The following CACNB2 variants were observed in gnomAD, a reference collection of about 807,000 sequenced individuals.
The protein encoded by CACNB2 is voltage-dependent L-type calcium channel subunit beta-2.
CACNB2 carries 42 observed loss-of-function variants against 73.3 expected under a neutral mutation model. The ratio of observed to expected loss-of-function variants is 0.57; its 90% confidence interval spans 0.45 to 0.74. CACNB2 has a LOEUF of 0.74. Ranked by LOEUF, CACNB2 falls within the 30% of genes least tolerant of loss-of-function variation. CACNB2 has a pLI of 0.00. For synonymous variants in CACNB2, 348 were observed against 310.3 expected, an observed-to-expected ratio of 1.12 and a Z score of -1.28; for missense variants, 940 against 853.0, an observed-to-expected ratio of 1.10 and a Z score of -1.27.
intron 2 of CACNB2, among the ~76,000 whole-genome samples, chr10:18,375,297 G>C (rs539931145): frequency 6.6e-6 from 1 of 152,128 alleles, no homozygotes; most frequent in African/African-American, 2.4e-5. Context: ...TCCCAATCCT[G>C]CACCAATGCC....
At chr10:18,331,261 G>A (rs576557187) in intron 2 of CACNB2, among the ~76,000 whole-genome samples, 1 of 152,118 alleles carries the variant, frequency 6.6e-6, no homozygotes, top group East Asian at 1.9e-4. Context: ...TGGAATTACA[G>A]GCATGAGCCA....
intron 3 of CACNB2, among the ~76,000 whole-genome samples, chr10:18,480,719 A>C (rs1017653835): frequency 5.3e-5 from 8 of 152,212 alleles, no homozygotes; most frequent in African/African-American, 1.9e-4. Flanking sequence ...CTGCTTAGGA[A>C]CTATGGTTAG....
chr10:18,468,197 C>A (rs548703240), intron 3 of CACNB2, among the ~76,000 whole-genome samples: 5 of 152,072 alleles, frequency 3.3e-5, no homozygotes, highest in African/African-American at 9.7e-5. Context: ...TGGTGGCTCA[C>A]GCCTGCAATC....
chr10:18,142,584 C>G (rs1239114135), intron 1 of CACNB2, among the ~76,000 whole-genome samples: 1 of 152,190 alleles, frequency 6.6e-6, no homozygotes, highest in Non-Finnish European at 1.5e-5. Flanking sequence ...TGCCTTTGAT[C>G]TTCCTTGAGG....
At chr10:18,456,169 A>G (rs2132643024) in intron 3 of CACNB2, among the ~76,000 whole-genome samples, 1 of 152,300 alleles carries the variant, frequency 6.6e-6, no homozygotes, top group South Asian at 2.1e-4. Context: ...CTCTCCCTTA[A>G]GAAACTTCCT....
At chr10:18,482,782 G>T (rs1489042982) in intron 3 of CACNB2, among the ~76,000 whole-genome samples, 1 of 152,140 alleles carries the variant, frequency 6.6e-6, no homozygotes, top group Non-Finnish European at 1.5e-5. Context: ...AAAGTGCTGG[G>T]ATTACAGGGA....
intron 3 of CACNB2, among the ~76,000 whole-genome samples, chr10:18,487,346 G>A (rs1413404389): frequency 6.6e-6 from 1 of 152,140 alleles, no homozygotes; most frequent in Non-Finnish European, 1.5e-5. Context: ...GATTTTTCAG[G>A]CTGCTTTTTG....
At chr10:18,491,089 C>T (rs574421806) in intron 3 of CACNB2, among the ~76,000 whole-genome samples, 11 of 152,188 alleles carry the variant, frequency 7.2e-5, no homozygotes, top group Non-Finnish European at 1.3e-4. Context: ...GATTTTTTGG[C>T]TTCTTTTTGT....
chr10:18,387,906 G>A (rs2043302737), intron 2 of CACNB2, among the ~76,000 whole-genome samples: 1 of 152,068 alleles, frequency 6.6e-6, no homozygotes, highest in Admixed American at 6.6e-5. Flanking sequence ...ACAGGTGTGT[G>A]CTACCATGCC....
chr10:18,263,647 C>T (rs925294779), intron 2 of CACNB2, among the ~76,000 whole-genome samples: 19 of 152,266 alleles, frequency 1.2e-4, no homozygotes, highest in Non-Finnish European at 2.8e-4. Flanking sequence ...AACATTGTCT[C>T]TCAGAAAGAA....
At chr10:18,342,035 A>C (rs992224788) in intron 2 of CACNB2, among the ~76,000 whole-genome samples, 3 of 152,174 alleles carry the variant, frequency 2.0e-5, no homozygotes, top group Admixed American at 6.5e-5. Context: ...TGGGCATTAG[A>C]TATGTCACGC....
intron 2 of CACNB2, among the ~76,000 whole-genome samples, chr10:18,334,906 A>T (rs1414123445): frequency 6.6e-6 from 1 of 152,202 alleles, no homozygotes; most frequent in African/African-American, 2.4e-5. Context: ...GAAACCTGGG[A>T]GATGACAAGG....
chr10:18,228,556 C>G (rs1253387344), intron 2 of CACNB2, among the ~76,000 whole-genome samples: 1 of 151,758 alleles, frequency 6.6e-6, no homozygotes, highest in East Asian at 1.9e-4. Context: ...GATGTATCCT[C>G]AAAAGACAAC....
Position 18,459,920 on chromosome 10 carries a change from C to T in CACNB2, c.334-38435C>T, listed in dbSNP as rs2047475790. Among the ~76,000 whole-genome samples the T allele has an allele frequency of 3.3e-5, 5 of 152,270 alleles. No individual in the cohort carries two copies. The South Asian group carries it at 8.3e-4, about 25-fold the overall frequency. On this transcript the variant is annotated intron_variant, in intron 3 of 13. Coordinates refer to ENST00000324631, the MANE Select transcript of CACNB2 (RefSeq NM_201596.3). Reference sequence around the variant, plus strand: ...GGCTGAGGTGAAAGAATTACTTGAACCCAGGAGGCCGAGGTTGCAGTGAGC... The same window carrying T: ...GGCTGAGGTGAAAGAATTACTTGAATCCAGGAGGCCGAGGTTGCAGTGAGC...
intron 2 of CACNB2, among the ~76,000 whole-genome samples, chr10:18,187,064 C>G (rs987413685): frequency 1.3e-5 from 2 of 152,006 alleles, no homozygotes; most frequent in African/African-American, 4.8e-5. Flanking sequence ...GAGCTATGAG[C>G]CATGAGAGGG....
chr10:18,442,283 G>A (rs2046446348), intron 3 of CACNB2, among the ~76,000 whole-genome samples: 1 of 151,852 alleles, frequency 6.6e-6, no homozygotes, highest in Admixed American at 6.6e-5. Flanking sequence ...ATGGGTACCT[G>A]GGATTACAGG....
At chr10:18,481,149 C>T (rs984134570) in intron 3 of CACNB2, among the ~76,000 whole-genome samples, 40 of 128,080 alleles carry the variant, frequency 3.1e-4, no homozygotes, top group East Asian at 1.2e-3. Context: ...TGCAGAAAAT[C>T]TTTGACCAAG....
intron 2 of CACNB2, among the ~76,000 whole-genome samples, chr10:18,317,226 C>T (rs2040224500): frequency 6.6e-6 from 1 of 151,584 alleles, no homozygotes; most frequent in Non-Finnish European, 1.5e-5. Context: ...CCAAACTTTT[C>T]CCTAGCTTTT....
At chr10:18,507,191 T>C (rs2050537298) in intron 6 of CACNB2, among the ~76,000 whole-genome samples, 1 of 152,178 alleles carries the variant, frequency 6.6e-6, no homozygotes, top group Non-Finnish European at 1.5e-5. Context: ...CAATGTGAGA[T>C]ATAACCTTAA....
Sources: allele counts gnomAD v4.1 joint callset (sites outside exome capture counted in the v4.1 genomes callset), GRCh38; gene constraint gnomAD v4.1.1; transcripts MANE v1.5; gene names NCBI Gene and HGNC (gene_info 2026-07-23, HGNC 2026-07-21).